The following SCAF8 variants were observed in gnomAD, a reference collection of about 807,000 sequenced individuals.
SCAF8 encodes the protein SR-related and CTD-associated factor 8.
Under a neutral mutation model 140.5 loss-of-function variants are expected in SCAF8, and 23 were observed. The ratio of observed to expected loss-of-function variants is 0.16; its 90% confidence interval spans 0.12 to 0.23. The LOEUF (loss-of-function observed/expected upper bound fraction) is 0.23, where lower values mean the gene tolerates loss of function less well. SCAF8 is among the 10% of genes least tolerant of loss of function. The pLI, the probability that SCAF8 is intolerant of heterozygous loss-of-function variation, is 1.00. For missense variants in SCAF8, 1,397 were observed against 1,555.7 expected (o/e 0.90, Z 1.72); for synonymous variants, 575 against 528.9 (o/e 1.09, Z -1.20).
chr6:154,771,800 A>T (rs2114842754), intron 1 of SCAF8, among the ~76,000 whole-genome samples: 1 of 152,228 alleles, frequency 6.6e-6, no homozygotes, highest in African/African-American at 2.4e-5. Flanking sequence ...TGTGATGGGA[A>T]TTTTTTGTAC....
At chr6:154,736,394 C>T (rs112876535) in intron 1 of SCAF8, among the ~76,000 whole-genome samples, 3,393 of 151,748 alleles carry the variant, frequency 0.022, 43 homozygotes, top group African/African-American at 0.027. Context: ...CTTCAGCCTC[C>T]GGAGTAGCTG....
intron 3 of SCAF8, among the ~76,000 whole-genome samples, chr6:154,780,495 C>G (rs1374715597): frequency 6.6e-6 from 1 of 151,742 alleles, no homozygotes; most frequent in Admixed American, 6.6e-5. Context: ...CATACATTAG[C>G]TATTTGTCCT....
chr6:154,735,648 G>T (rs1379011130), intron 1 of SCAF8, among the ~76,000 whole-genome samples: 2 of 151,252 alleles, frequency 1.3e-5, no homozygotes, highest in African/African-American at 4.9e-5. Flanking sequence ...CGAGTAGCTG[G>T]GATTACAGGC....
intron 1 of SCAF8, among the ~76,000 whole-genome samples, chr6:154,745,767 TGG>T (rs1160922630): frequency 6.6e-6 from 1 of 152,188 alleles, no homozygotes; most frequent in African/African-American, 2.4e-5. Flanking sequence ...GATTGCCACA[TGG>T]TGATTTTCGG....
intron 1 of SCAF8, among the ~76,000 whole-genome samples, chr6:154,771,754 G>A (rs1280251856): frequency 6.6e-6 from 1 of 151,874 alleles, no homozygotes; most frequent in Non-Finnish European, 1.5e-5. Context: ...GGGAGGAAGG[G>A]GTTGAAAAAC....
intron 15 of SCAF8, 192 bp from the exon 16 acceptor site, chr6:154,822,084 G>T: frequency 2.3e-6 from 1 of 432,808 alleles, no homozygotes; most frequent in Non-Finnish European, 4.0e-6. Context: ...ATGTTTCATG[G>T]TTTTTTGAAC....
intron 1 of SCAF8, among the ~76,000 whole-genome samples, chr6:154,741,445 C>T (rs1352506606): frequency 1.3e-5 from 2 of 151,708 alleles, no homozygotes; most frequent in African/African-American, 2.4e-5. Flanking sequence ...CTTGCTTCTT[C>T]GCCCGGGCTG....
chr6:154,741,704 GC>G (rs1387914278), intron 1 of SCAF8, among the ~76,000 whole-genome samples: 2 of 152,134 alleles, frequency 1.3e-5, no homozygotes, highest in African/African-American at 2.4e-5. Context: ...ACCGCGCCCG[GC>G]CCGTTTGCAT....
intron 4 of SCAF8, among the ~76,000 whole-genome samples, chr6:154,791,780 G>C (rs980581380): frequency 1.5e-4 from 23 of 152,184 alleles, no homozygotes; most frequent in African/African-American, 5.3e-4. Flanking sequence ...AAAGAACTCT[G>C]ACTATTTGAG....
chr6:154,816,041 A>G (rs1038941343), intron 13 of SCAF8, among the ~76,000 whole-genome samples: 8 of 152,192 alleles, frequency 5.3e-5, no homozygotes, highest in African/African-American at 1.9e-4. Flanking sequence ...CTTGAGTTTT[A>G]TAGCAGTGTA....
chr6:154,791,992 A>T (rs3800004), intron 4 of SCAF8, among the ~76,000 whole-genome samples: 1 of 151,698 alleles, frequency 6.6e-6, no homozygotes, highest in Non-Finnish European at 1.5e-5. Flanking sequence ...AGTGGCAAGC[A>T]GGTTTTTTAT....
chr6:154,751,155 T>C (rs1260872021), intron 1 of SCAF8, among the ~76,000 whole-genome samples: 1 of 152,216 alleles, frequency 6.6e-6, no homozygotes, highest in Non-Finnish European at 1.5e-5. Flanking sequence ...TTTGTAGCTA[T>C]AGGAAGAGCT....
intron 1 of SCAF8, among the ~76,000 whole-genome samples, chr6:154,752,955 A>G (rs1778875471): frequency 6.6e-6 from 1 of 152,158 alleles, no homozygotes; most frequent in African/African-American, 2.4e-5. Context: ...AAATCCAGCA[A>G]GGCTTTCAAG....
Position 154,733,475 on chromosome 6 carries a change from C to T in SCAF8, c.-426C>T. ...CCTCCTCTGTCTTCGCCGAGCGGGGCTGGTTCCTGCGGCCCGAGCGGCGGG... is the reference window on the plus strand; with the variant it reads ...CCTCCTCTGTCTTCGCCGAGCGGGGTTGGTTCCTGCGGCCCGAGCGGCGGG... On this transcript the variant is annotated 5_prime_UTR_variant, in exon 1 of 20. Coordinates refer to ENST00000367178, the MANE Select transcript of SCAF8 (RefSeq NM_014892.5). The T allele has an allele frequency of 1.5e-6, 2 of 1,353,254 alleles. No homozygotes were observed. The highest frequency in any genetic ancestry group is 1.9e-6 in the Non-Finnish European group (2 of 1,056,056). The allele number at this position is 1,353,254 out of a possible 1,614,324, so 83.8% of individuals were successfully genotyped here.
chr6:154,824,324 A>C lies in SCAF8; in HGVS notation c.2017A>C (p.Ile673Leu). ...MPVPPPGFSP[I>L]PPPPFLRASF... Reference sequence around the variant, plus strand: ...GGTTCCTCCTCCTGGATTCAGTCCAATCCCTCCACCTCCTTTTTTAAGAGC... The same window carrying C: ...GGTTCCTCCTCCTGGATTCAGTCCACTCCCTCCACCTCCTTTTTTAAGAGC... Residue 673 changes from isoleucine (I) to leucine (L), a missense_variant, in exon 17 of 20, where the codon ATC (isoleucine) becomes CTC (leucine). This residue lies in a region of SCAF8 where 930 missense variants were observed against 874.6 expected (regional missense o/e 1.06). Transcript: ENST00000367178. 1 of 1,613,920 alleles carries C rather than the reference A, an allele frequency of 6.2e-7. No individual in the cohort carries two copies. Among genetic ancestry groups the C allele is most frequent in the Non-Finnish European group, 8.5e-7 (1 of 1,179,808 alleles).
At chr6:154,829,629 G>A (rs9371829) in intron 18 of SCAF8, among the ~76,000 whole-genome samples, 9,251 of 152,100 alleles carry the variant, frequency 0.061, 807 homozygotes, top group African/African-American at 0.2. Flanking sequence ...AAATTTGGCC[G>A]GGCATGGTGG....
At chr6:154,795,940 T>C (rs1403689465) in intron 6 of SCAF8, among the ~76,000 whole-genome samples, 4 of 152,240 alleles carry the variant, frequency 2.6e-5, no homozygotes, top group South Asian at 2.1e-4. Flanking sequence ...TTTCCATGAA[T>C]ATATTTGAAT....
intron 3 of SCAF8, among the ~76,000 whole-genome samples, chr6:154,781,986 C>T (rs142475006): frequency 6.6e-5 from 10 of 152,212 alleles, no homozygotes; most frequent in African/African-American, 2.4e-4. Flanking sequence ...TAATAAATGA[C>T]AGTAAATGAA....
chr6:154,746,637 T>TTAGC (rs1302583070), intron 1 of SCAF8, among the ~76,000 whole-genome samples: 1 of 152,236 alleles, frequency 6.6e-6, no homozygotes, highest in Admixed American at 6.5e-5. Flanking sequence ...GATTCAGAAT[T>TTAGC]GCTAAAGCAT....
Sources: allele counts gnomAD v4.1 joint callset (sites outside exome capture counted in the v4.1 genomes callset), GRCh38; gene constraint gnomAD v4.1.1; regional missense constraint gnomAD v4.1.1; transcripts MANE v1.5; gene names NCBI Gene and HGNC (gene_info 2026-07-23, HGNC 2026-07-21).